GOLPH3: variants seen among roughly 807,000 people sequenced by gnomAD.
GOLPH3 encodes coat protein GPP34.
In GOLPH3, 14 loss-of-function variants were observed where a neutral mutation model predicts 28.5. That is an observed-to-expected ratio of 0.49 (90% CI 0.32 to 0.77). The LOEUF (loss-of-function observed/expected upper bound fraction) is 0.77. GOLPH3 is among the 30% of genes least tolerant of loss of function. GOLPH3 has a pLI of 0.03. For missense variants in GOLPH3, 350 were observed against 393.7 expected, an observed-to-expected ratio of 0.89 and a Z score of 0.94; for synonymous variants, 158 against 159.2, an observed-to-expected ratio of 0.99 and a Z score of 0.06.
At chr5:32,169,729 C>A (rs561440142) in intron 1 of GOLPH3, among the ~76,000 whole-genome samples, 1 of 152,160 alleles carries the variant, frequency 6.6e-6, no homozygotes, top group Non-Finnish European at 1.5e-5. Context: ...GTCCCTCCCC[C>A]TCAAACACTG....
chr5:32,172,049 C>A (rs910847375), intron 1 of GOLPH3, among the ~76,000 whole-genome samples: 18 of 152,144 alleles, frequency 1.2e-4, no homozygotes, highest in Non-Finnish European at 2.1e-4. Context: ...GGACGCTATA[C>A]CCCTAGTTTA....
Position 32,125,705 on chromosome 5 carries a change from T to C in GOLPH3, c.*507A>G, listed in dbSNP as rs1327690914. ...GACATTTTATATTAAGTATTTACTGTGCTGTTTCAATTTAAAAATAATTTT... is the reference window on the plus strand; with the variant it reads ...GACATTTTATATTAAGTATTTACTGCGCTGTTTCAATTTAAAAATAATTTT... On this transcript the variant is annotated 3_prime_UTR_variant, in exon 4 of 4. Transcript: ENST00000265070. 6.5e-6 allele frequency: 1 copy of C among 153,074 alleles called. No homozygotes were observed. Among genetic ancestry groups the C allele is most frequent in the Non-Finnish European group, 1.5e-5 (1 of 68,362 alleles). 9.5% of individuals were successfully genotyped at this position (153,074 alleles called of 1,614,324 possible).
chr5:32,164,487 G>A (rs1435869097), intron 1 of GOLPH3, among the ~76,000 whole-genome samples: 2 of 151,562 alleles, frequency 1.3e-5, no homozygotes, highest in African/African-American at 4.9e-5. Flanking sequence ...TCCGCCTCCC[G>A]GGTTCACGCC....
At chr5:32,131,792 C>T (rs1232066513) in intron 3 of GOLPH3, among the ~76,000 whole-genome samples, 1 of 152,152 alleles carries the variant, frequency 6.6e-6, no homozygotes, top group East Asian at 1.9e-4. Flanking sequence ...CTGACAGGTA[C>T]CTAAATCATT....
chr5:32,154,363 G>C (rs797022528), intron 1 of GOLPH3, among the ~76,000 whole-genome samples: 16 of 152,310 alleles, frequency 1.1e-4, no homozygotes, highest in South Asian at 6.2e-4. Context: ...TTTATTAGCA[G>C]ATTAAACAAG....
chr5:32,150,501 G>T (rs1414317219), intron 1 of GOLPH3, among the ~76,000 whole-genome samples: 1 of 149,538 alleles, frequency 6.7e-6, no homozygotes, highest in Non-Finnish European at 1.5e-5. Context: ...TGTCCTACTA[G>T]ATACTAAAAT....
chr5:32,165,740 C>T (rs1184716136), intron 1 of GOLPH3, among the ~76,000 whole-genome samples: 1 of 152,200 alleles, frequency 6.6e-6, no homozygotes, highest in African/African-American at 2.4e-5. Context: ...AGAGCATGTG[C>T]TCAGTAAACA....
At chr5:32,160,282 T>TG (rs762250911) in intron 1 of GOLPH3, among the ~76,000 whole-genome samples, 3 of 152,216 alleles carry the variant, frequency 2.0e-5, no homozygotes, top group Non-Finnish European at 4.4e-5. Context: ...ATTGCTGTGT[T>TG]GCCCAGGCTG....
intron 1 of GOLPH3, among the ~76,000 whole-genome samples, chr5:32,153,592 A>T (rs1279012563): frequency 6.6e-6 from 1 of 152,224 alleles, no homozygotes; most frequent in Non-Finnish European, 1.5e-5. Flanking sequence ...TAATGTTGAC[A>T]TTTTTATTTT....
In GOLPH3 at chr5:32,167,300, T is replaced by A. The variant is rs1019253341; in HGVS notation, c.225+6510A>T. Among the ~76,000 whole-genome samples the A allele has an allele frequency of 9.2e-5, 14 of 152,162 alleles. No homozygotes were observed. The East Asian group carries it at 2.7e-3, about 29-fold the overall frequency. On this transcript the variant is annotated intron_variant, in intron 1 of 3. Coordinates refer to ENST00000265070, the MANE Select transcript of GOLPH3 (RefSeq NM_022130.4). The stretch of plus-strand genomic sequence containing the variant: ...GATTCTCCTGCCTCAGCCTCCCGAG[T>A]AGCTGGGATTACAGGTGCTCGCCAC...
chr5:32,130,426 A>G lies in GOLPH3; in HGVS notation c.473-3790T>C, dbSNP rs374966596. On this transcript the variant is annotated intron_variant, in intron 3 of 3. Coordinates refer to ENST00000265070, the MANE Select transcript of GOLPH3 (RefSeq NM_022130.4). ...GTAAAGAATAATTTGTTGTTATCAA[A>G]GAAGTATTATCCCCTATCAACTCTA... Among the ~76,000 whole-genome samples, 47 of 152,308 alleles carry G rather than the reference A, an allele frequency of 3.1e-4. No individual in the cohort carries two copies. In the East Asian group the frequency reaches 8.9e-3, roughly 29 times the overall value.
At chr5:32,141,187 T>C (rs1746052982) in intron 2 of GOLPH3, among the ~76,000 whole-genome samples, 1 of 150,744 alleles carries the variant, frequency 6.6e-6, no homozygotes, top group East Asian at 1.9e-4. Flanking sequence ...AAAAGATACA[T>C]GAATGGTGTT....
chr5:32,164,542 C>T (rs1207918055), intron 1 of GOLPH3, among the ~76,000 whole-genome samples: 1 of 151,596 alleles, frequency 6.6e-6, no homozygotes, highest in East Asian at 2.0e-4. Context: ...TACAGGAGCC[C>T]GCCAGCACGC....
intron 1 of GOLPH3, among the ~76,000 whole-genome samples, chr5:32,163,712 G>A (rs1339066463): frequency 1.3e-5 from 2 of 151,952 alleles, no homozygotes; most frequent in Non-Finnish European, 2.9e-5. Flanking sequence ...CTGGCAAAGG[G>A]AATGAATGGC....
At chr5:32,128,916 C>T (rs946885015) in intron 3 of GOLPH3, among the ~76,000 whole-genome samples, 3 of 152,004 alleles carry the variant, frequency 2.0e-5, no homozygotes, top group African/African-American at 7.2e-5. Context: ...GGTGAAATCC[C>T]GTCTCTACAA....
chr5:32,142,170 C>T (rs1047663999), intron 2 of GOLPH3, among the ~76,000 whole-genome samples: 1 of 151,250 alleles, frequency 6.6e-6, no homozygotes, highest in African/African-American at 2.4e-5. Flanking sequence ...AGCGCCTCTT[C>T]CCGGCCGCCA....
intron 1 of GOLPH3, among the ~76,000 whole-genome samples, chr5:32,171,489 G>GT (rs757528581): frequency 0.066 from 9,482 of 143,148 alleles, 633 homozygotes; most frequent in African/African-American, 0.17. Flanking sequence ...TTATTTTTTA[G>GT]TTTTTTTTTT....
At position 32,173,848 on chromosome 5, in the gene GOLPH3, T is replaced by A. The variant is rs758342081; in HGVS notation, c.187A>T (p.Met63Leu). Reference protein sequence around the residue: ...GDSKETRLTLMEEVLLLGLKD... With the variant: ...GDSKETRLTLLEEVLLLGLKD... Reference sequence around the variant, plus strand: ...AGGCCCAGCAGGAGCACTTCCTCCATCAGGGTCAGCCGCGTTTCCTTGGAG... The same window carrying A: ...AGGCCCAGCAGGAGCACTTCCTCCAACAGGGTCAGCCGCGTTTCCTTGGAG... Residue 63 changes from methionine to leucine, a missense_variant, in exon 1 of 4, where the codon ATG becomes TTG. By Grantham distance (15) the Met-to-Leu change is conservative (BLOSUM62 2). Coordinates refer to ENST00000265070, the MANE Select transcript of GOLPH3 (RefSeq NM_022130.4). The A allele has an allele frequency of 1.3e-6, 2 of 1,513,390 alleles. No individual in the cohort carries two copies. Among genetic ancestry groups the A allele is most frequent in the Non-Finnish European group, 1.8e-6 (2 of 1,132,232 alleles). The allele number at this position is 1,513,390 out of a possible 1,614,324, so 93.7% of individuals were successfully genotyped here. A position where few individuals can be genotyped will look rare whatever the true frequency, so the allele number is the denominator to read the frequency against.
chr5:32,142,991 G>A (rs557882973), intron 2 of GOLPH3, among the ~76,000 whole-genome samples: 18 of 152,262 alleles, frequency 1.2e-4, no homozygotes, highest in Non-Finnish European at 1.9e-4. Flanking sequence ...TGACAAGGGC[G>A]GTTTTGTGGA....
Sources: allele counts gnomAD v4.1 joint callset (sites outside exome capture counted in the v4.1 genomes callset), GRCh38; gene constraint gnomAD v4.1.1; transcripts MANE v1.5; gene names NCBI Gene and HGNC (gene_info 2026-07-23, HGNC 2026-07-21).